The following CNTNAP5 variants were observed in gnomAD, a reference collection of about 807,000 sequenced individuals.
The protein encoded by CNTNAP5 is contactin associated protein family member 5, also known as contactin-associated protein-like 5.
Under a neutral mutation model 150.2 loss-of-function variants are expected in CNTNAP5, and 72 were observed. That is an observed-to-expected ratio of 0.48 (90% CI 0.40 to 0.58). The LOEUF (loss-of-function observed/expected upper bound fraction) is 0.58. Among genes scored for constraint, CNTNAP5 ranks in the 20% least tolerant of loss-of-function variants. The pLI, the probability that CNTNAP5 is intolerant of heterozygous loss-of-function variation, is 0.00. For synonymous variants in CNTNAP5, 672 were observed against 619.8 expected, an observed-to-expected ratio of 1.08 and a Z score of -1.25; for missense variants, 1,636 against 1,626.2, an observed-to-expected ratio of 1.01 and a Z score of -0.10.
chr2:124,648,044 G>A (rs1363109304), intron 13 of CNTNAP5, 86 bp downstream of exon 13: 1 of 1,257,074 alleles, frequency 8.0e-7, no homozygotes, highest in African/African-American at 1.5e-5. Flanking sequence ...TGCCAAGAAG[G>A]GGGCTATAGT....
At chr2:124,533,599 G>T (rs1454485833) in intron 10 of CNTNAP5, among the ~76,000 whole-genome samples, 1 of 152,184 alleles carries the variant, frequency 6.6e-6, no homozygotes, top group African/African-American at 2.4e-5. Flanking sequence ...TCTCTGAAAA[G>T]TTTTTGCAGC....
At position 124,044,573 on chromosome 2, in the gene CNTNAP5, T is replaced by A. The variant is rs189298688; in HGVS notation, c.82+18841T>A. 4.4e-3 allele frequency among the ~76,000 whole-genome samples: 665 copies of A among 152,342 alleles called. 4 individuals carry two copies. Among genetic ancestry groups the A allele is most frequent in the African/African-American group, 0.015 (623 of 41,572 alleles). On this transcript the variant is annotated intron_variant, in intron 1 of 23. Coordinates refer to ENST00000682447, the MANE Select transcript of CNTNAP5 (RefSeq NM_001367498.1). ...TTTCTGAATATAAACCATGGCTATT[T>A]TTTTTCAAACTGTGGACTACAGAGA... is the stretch of plus-strand genomic sequence containing the variant.
chr2:124,646,915 A>G (rs1207693311), intron 12 of CNTNAP5, among the ~76,000 whole-genome samples: 1 of 152,260 alleles, frequency 6.6e-6, no homozygotes, highest in Non-Finnish European at 1.5e-5. Context: ...TGAAGCTACA[A>G]TGAGTTATGA....
At chr2:124,846,984 T>C (rs899317679) in intron 19 of CNTNAP5, among the ~76,000 whole-genome samples, 1 of 152,176 alleles carries the variant, frequency 6.6e-6, no homozygotes, top group Non-Finnish European at 1.5e-5. Context: ...AGCAGGGGAA[T>C]GAAGTGGACT....
chr2:124,086,393 C>T lies in CNTNAP5; in HGVS notation c.82+60661C>T, dbSNP rs188776699. ...TAATTTCTTGTATTTTTAGTAGAAA[C>T]GGGGTTTCATCGTGTTAGCCAGGAT... On this transcript the variant is annotated intron_variant, in intron 1 of 23. Coordinates refer to ENST00000682447, the MANE Select transcript of CNTNAP5 (RefSeq NM_001367498.1). Among the ~76,000 whole-genome samples, 13 of 151,270 alleles carry T rather than the reference C, an allele frequency of 8.6e-5. No homozygotes were observed. The East Asian group carries it at 1.4e-3, about 16-fold the overall frequency.
At chr2:124,461,487 C>T (rs1229594318) in intron 6 of CNTNAP5, among the ~76,000 whole-genome samples, 57 of 129,724 alleles carry the variant, frequency 4.4e-4, no homozygotes, top group African/African-American at 1.6e-3. Flanking sequence ...TGAGAACACA[C>T]GAACACAGGA....
intron 21 of CNTNAP5, among the ~76,000 whole-genome samples, chr2:124,885,039 GGA>G (rs1462906477): frequency 1.3e-5 from 2 of 152,006 alleles, no homozygotes; most frequent in African/African-American, 4.8e-5. Context: ...ATGACTAGTA[GGA>G]GATAATATAT....
At chr2:124,483,098 A>G (rs1573404241) in intron 7 of CNTNAP5, among the ~76,000 whole-genome samples, 2 of 151,730 alleles carry the variant, frequency 1.3e-5, no homozygotes, top group African/African-American at 4.8e-5. Flanking sequence ...TTTCTCCTTT[A>G]CCTCTTCCCT....
intron 1 of CNTNAP5, among the ~76,000 whole-genome samples, chr2:124,128,611 C>T (rs557429644): frequency 2.0e-5 from 3 of 152,212 alleles, no homozygotes; most frequent in East Asian, 1.9e-4. Flanking sequence ...CACATGCACA[C>T]GTATGTTTAT....
At chr2:124,771,938 TCAC>T (rs1306844344) in intron 16 of CNTNAP5, among the ~76,000 whole-genome samples, 2 of 146,998 alleles carry the variant, frequency 1.4e-5, no homozygotes, top group African/African-American at 2.5e-5. Flanking sequence ...ACCACCACTA[TCAC>T]CACAACCATT....
chr2:124,908,475 T>C (rs1558822258), intron 22 of CNTNAP5, among the ~76,000 whole-genome samples: 2 of 152,196 alleles, frequency 1.3e-5, no homozygotes, highest in Admixed American at 1.3e-4. Context: ...TACAGTCATG[T>C]ACCATGTAAA....
At chr2:124,391,038 G>A (rs1386220948) in intron 3 of CNTNAP5, among the ~76,000 whole-genome samples, 3 of 152,142 alleles carry the variant, frequency 2.0e-5, no homozygotes, top group East Asian at 1.9e-4. Flanking sequence ...CCAAACCAGC[G>A]GCGGTTTAAA....
At chr2:124,279,190 T>C (rs1315776604) in intron 3 of CNTNAP5, among the ~76,000 whole-genome samples, 2 of 151,978 alleles carry the variant, frequency 1.3e-5, no homozygotes, top group African/African-American at 4.8e-5. Context: ...ACAAAGTCTG[T>C]GATTTATCTA....
At chr2:124,260,071 GC>G (rs1392800284) in intron 3 of CNTNAP5, among the ~76,000 whole-genome samples, 2 of 152,126 alleles carry the variant, frequency 1.3e-5, no homozygotes, top group Non-Finnish European at 2.9e-5. Flanking sequence ...TCAATCCTAA[GC>G]CAAAAGAACA....
At chr2:124,705,805 G>A (rs980211381) in intron 13 of CNTNAP5, among the ~76,000 whole-genome samples, 3 of 151,914 alleles carry the variant, frequency 2.0e-5, no homozygotes, top group Non-Finnish European at 2.9e-5. Context: ...GTTTTAAGAT[G>A]TTCAAATACC....
At chr2:124,426,690 G>T (rs1461640740) in intron 4 of CNTNAP5, among the ~76,000 whole-genome samples, 1 of 152,180 alleles carries the variant, frequency 6.6e-6, no homozygotes, top group South Asian at 2.1e-4. Context: ...TTCAAGCTTG[G>T]AATCTTCTAT....
intron 3 of CNTNAP5, among the ~76,000 whole-genome samples, chr2:124,247,070 T>C (rs930051114): frequency 1.3e-5 from 2 of 152,166 alleles, no homozygotes; most frequent in Non-Finnish European, 2.9e-5. Context: ...TTATACATTT[T>C]GGTCATCAGT....
intron 3 of CNTNAP5, among the ~76,000 whole-genome samples, chr2:124,353,832 C>A (rs1352917268): frequency 1.3e-5 from 2 of 152,160 alleles, no homozygotes; most frequent in African/African-American, 4.8e-5. Context: ...TTTTCATGGG[C>A]TCCATTTTAA....
rs76437773 is a variant in CNTNAP5 at position 124,396,293 on chromosome 2, T to G, written c.382-21150T>G. Among the ~76,000 whole-genome samples the G allele has an allele frequency of 6.0e-3, 915 of 152,300 alleles. 8 individuals are homozygous for G. Among genetic ancestry groups the G allele is most frequent in the African/African-American group, 0.021 (864 of 41,560 alleles). Reference sequence around the variant, plus strand: ...AGTATAAACAGGGCCTGAGTGTTCCTTAACACAGCAAGGTACAAATACGTT... The same window carrying G: ...AGTATAAACAGGGCCTGAGTGTTCCGTAACACAGCAAGGTACAAATACGTT... On this transcript the variant is annotated intron_variant, in intron 3 of 23. Transcript: ENST00000682447.
Sources: gnomAD v4.1 joint callset for allele counts (sites outside exome capture counted in the v4.1 genomes callset) on GRCh38, gnomAD v4.1.1 for gene constraint, MANE v1.5 for transcripts, NCBI Gene and HGNC (gene_info 2026-07-23, HGNC 2026-07-21) for gene names.